ATP2B2: variants seen among roughly 807,000 people sequenced by gnomAD.
The protein encoded by ATP2B2 is ATPase plasma membrane Ca2+ transporting 2.
A neutral mutation model predicts 120.0 loss-of-function variants in ATP2B2; 15 were observed. The ratio of observed to expected loss-of-function variants is 0.12; its 90% CI spans 0.08 to 0.19. The LOEUF (loss-of-function observed/expected upper bound fraction) is 0.19, where lower values mean the gene tolerates loss of function less well. Among genes scored for constraint, ATP2B2 ranks in the 10% least tolerant of loss-of-function variants. The pLI is 1.00. For missense variants in ATP2B2, 1,045 were observed against 1,719.8 expected (o/e 0.61, Z 6.94); for synonymous variants, 694 against 700.3 (o/e 0.99, Z 0.14).
chr3:10,629,020 G>A (rs1243857054), intron 1 of ATP2B2, among the ~76,000 whole-genome samples: 1 of 152,138 alleles, frequency 6.6e-6, no homozygotes, highest in African/African-American at 2.4e-5. Flanking sequence ...CATAACTCAC[G>A]CCTGGATGAA....
At position 10,326,886 on chromosome 3, in the gene ATP2B2, A is replaced by G. The variant is rs144336962; in HGVS notation, c.*1928T>C. ...CGAGTGGCTCTCATCTTGTTTGTGGAAGAGTTCTCTGGGCCTGGAGAAGGG... is the reference window on the plus strand; with the variant it reads ...CGAGTGGCTCTCATCTTGTTTGTGGGAGAGTTCTCTGGGCCTGGAGAAGGG... On this transcript the variant is annotated 3_prime_UTR_variant, in exon 23 of 23. Transcript: ENST00000360273. 1.5e-3 allele frequency: 616 copies of G among 398,894 alleles called. 5 individuals are homozygous for G. Among genetic ancestry groups the G allele is most frequent in the African/African-American group, 0.012 (573 of 48,714 alleles). The allele number at this position is 398,894 out of a possible 1,614,324, so 24.7% of individuals were successfully genotyped here.
intron 2 of ATP2B2, among the ~76,000 whole-genome samples, chr3:10,591,823 A>G (rs1299595564): frequency 6.6e-6 from 1 of 152,208 alleles, no homozygotes; most frequent in African/African-American, 2.4e-5. Context: ...AGTGCCATAG[A>G]AATCCATGTT....
intron 2 of ATP2B2, among the ~76,000 whole-genome samples, chr3:10,602,284 C>A (rs2068945074): frequency 6.6e-6 from 1 of 152,244 alleles, no homozygotes; most frequent in South Asian, 2.1e-4. Context: ...AGGCTGCTCA[C>A]ATCCCGGGAC....
At chr3:10,419,726 A>C (rs571411941) in intron 2 of ATP2B2, among the ~76,000 whole-genome samples, 2 of 152,342 alleles carry the variant, frequency 1.3e-5, no homozygotes, top group South Asian at 4.1e-4. Context: ...ACACTGAGGC[A>C]CAGGGTTCTT....
chr3:10,610,177 G>A (rs1351569914), intron 2 of ATP2B2, among the ~76,000 whole-genome samples: 6 of 149,942 alleles, frequency 4.0e-5, no homozygotes, highest in South Asian at 2.1e-4. Context: ...AATATATATC[G>A]TGTGTGTGTG....
intron 22 of ATP2B2, among the ~76,000 whole-genome samples, chr3:10,336,771 G>T (rs1332803941): frequency 6.6e-6 from 1 of 152,210 alleles, no homozygotes; most frequent in Non-Finnish European, 1.5e-5. Flanking sequence ...TCTTAAGAAG[G>T]GTCAATGCCA....
chr3:10,515,934 G>A (rs899577496), intron 3 of ATP2B2, among the ~76,000 whole-genome samples: 1 of 152,146 alleles, frequency 6.6e-6, no homozygotes, highest in African/African-American at 2.4e-5. Context: ...TCTCCATCTT[G>A]TGTGGCATGG....
intron 2 of ATP2B2, among the ~76,000 whole-genome samples, chr3:10,564,542 C>G (rs2067970747): frequency 6.6e-6 from 1 of 152,184 alleles, no homozygotes; most frequent in African/African-American, 2.4e-5. Flanking sequence ...GTTCCCTTCC[C>G]CTCCCCTCTC....
intron 1 of ATP2B2, among the ~76,000 whole-genome samples, chr3:10,694,058 C>T (rs1279089349): frequency 6.6e-6 from 1 of 152,212 alleles, no homozygotes; most frequent in African/African-American, 2.4e-5. Context: ...CTTCCCCTAG[C>T]CTCCCCCAAA....
intron 5 of ATP2B2, among the ~76,000 whole-genome samples, chr3:10,390,571 A>G (rs1252449176): frequency 1.3e-5 from 2 of 151,748 alleles, no homozygotes; most frequent in Non-Finnish European, 2.9e-5. Context: ...TCAGGATCTC[A>G]AAGTGCTTTA....
At chr3:10,621,634 G>C (rs1032727637) in intron 1 of ATP2B2, among the ~76,000 whole-genome samples, 1 of 152,220 alleles carries the variant, frequency 6.6e-6, no homozygotes, top group Non-Finnish European at 1.5e-5. Flanking sequence ...TCAGGAGACG[G>C]GGAGTTAGCT....
At chr3:10,582,732 G>C (rs780658404) in intron 2 of ATP2B2, among the ~76,000 whole-genome samples, 1 of 152,292 alleles carries the variant, frequency 6.6e-6, no homozygotes, top group African/African-American at 2.4e-5. Flanking sequence ...GGCTGAGCCT[G>C]GTGATCTAAG....
chr3:10,680,092 A>C (rs888161046), intron 1 of ATP2B2, among the ~76,000 whole-genome samples: 2 of 152,192 alleles, frequency 1.3e-5, no homozygotes, highest in Non-Finnish European at 2.9e-5. Context: ...GAATGAATGA[A>C]TGGTGTTGGT....
intron 11 of ATP2B2, among the ~76,000 whole-genome samples, chr3:10,373,407 C>T (rs1170710160): frequency 6.6e-6 from 1 of 152,124 alleles, no homozygotes; most frequent in Non-Finnish European, 1.5e-5. Context: ...CTGTTGGGCT[C>T]AAGAATCTTT....
At chr3:10,334,778 G>A (rs775259793) in intron 22 of ATP2B2, among the ~76,000 whole-genome samples, 36 of 151,066 alleles carry the variant, frequency 2.4e-4, no homozygotes, top group East Asian at 2.0e-4. Flanking sequence ...TGAGGGAGGC[G>A]CTCCCACCAG....
Position 10,340,567 on chromosome 3 carries a change from C to T in ATP2B2, c.3055G>A (p.Glu1019Lys). The T allele has an allele frequency of 1.9e-6, 3 of 1,614,238 alleles. No homozygotes were observed. Among genetic ancestry groups the T allele is most frequent in the Admixed American group, 1.7e-5 (1 of 60,032 alleles). The change falls in exon 20 of 23, where the codon GAG becomes AAG. Residue 1019 changes from glutamate to lysine, a missense_variant. Coordinates refer to ENST00000360273, the MANE Select transcript of ATP2B2 (RefSeq NM_001001331.4). This position sits in a 1 kb window ranked among gnomAD's most constrained non-coding sequence, Gnocchi z 5.0. The stretch of plus-strand genomic sequence containing the variant: ...AAGATGCCGTCAAAGACATTGCGCT[C>T]GCCGTGGATCTTGCGGGCGTTGATC... The part of the protein sequence containing the change: ...NEINARKIHG[E>K]RNVFDGIFRN...
chr3:10,451,261 C>G (rs1276884441), intron 1 of ATP2B2, among the ~76,000 whole-genome samples: 1 of 152,162 alleles, frequency 6.6e-6, no homozygotes, highest in East Asian at 1.9e-4. Context: ...CGTTTGTCTC[C>G]GAAGAGCCCT....
At chr3:10,487,411 T>A (rs2065731859) in intron 1 of ATP2B2, among the ~76,000 whole-genome samples, 1 of 152,176 alleles carries the variant, frequency 6.6e-6, no homozygotes, top group Non-Finnish European at 1.5e-5. Flanking sequence ...AGTCCAGTTG[T>A]CAGGTCCTGC....
Position 10,622,604 on chromosome 3 carries a change from G to A in ATP2B2, c.-459-2643C>T, listed in dbSNP as rs192459619. Among the ~76,000 whole-genome samples, 5 of 152,262 alleles carry A rather than the reference G, an allele frequency of 3.3e-5. No homozygotes were observed. The East Asian group carries it at 9.7e-4, about 29-fold the overall frequency. On this transcript the variant is annotated intron_variant, in intron 1 of 21. Coordinates refer to the ATP2B2 transcript ENST00000646379. The stretch of plus-strand genomic sequence containing the variant: ...GCAGAGCAGGCAGTGGATGCGGGAG[G>A]CTGAAGCCATCCCAGCTGTTGGAAT...
Sources: gnomAD v4.1 joint callset for allele counts (sites outside exome capture counted in the v4.1 genomes callset) on GRCh38, gnomAD v4.1.1 for gene constraint, Gnocchi (gnomAD v3.1) non-coding constraint, MANE v1.5 for transcripts, NCBI Gene and HGNC (gene_info 2026-07-23, HGNC 2026-07-21) for gene names.